NKAIN2: variants seen among roughly 807,000 people sequenced by gnomAD.
NKAIN2 encodes sodium/potassium-transporting ATPase subunit beta-1-interacting protein 2.
A neutral mutation model predicts 32.6 loss-of-function variants in NKAIN2; 14 were observed. The ratio of observed to expected loss-of-function variants is 0.43; its 90% CI spans 0.28 to 0.67. The LOEUF (loss-of-function observed/expected upper bound fraction) is 0.67, where lower values mean the gene tolerates loss of function less well. Ranked by LOEUF, NKAIN2 falls within the 30% of genes least tolerant of loss-of-function variation. The pLI is 0.17. For missense variants in NKAIN2, 198 were observed against 258.3 expected, an observed-to-expected ratio of 0.77 and a Z score of 1.60; for synonymous variants, 80 against 87.2, an observed-to-expected ratio of 0.92 and a Z score of 0.46.
intron 3 of NKAIN2, among the ~76,000 whole-genome samples, chr6:124,549,484 T>TA (rs1476006756): frequency 6.6e-6 from 1 of 152,190 alleles, no homozygotes; most frequent in Non-Finnish European, 1.5e-5. Flanking sequence ...ATCTTCCCCT[T>TA]ATGTTAATAT....
At chr6:124,443,936 G>T (rs1775791854) in intron 3 of NKAIN2, among the ~76,000 whole-genome samples, 1 of 151,786 alleles carries the variant, frequency 6.6e-6, no homozygotes. Context: ...CTGACTATAT[G>T]AATTCCCACT....
intron 1 of NKAIN2, among the ~76,000 whole-genome samples, chr6:124,045,418 G>T (rs911565723): frequency 6.6e-6 from 1 of 151,914 alleles, no homozygotes; most frequent in Non-Finnish European, 1.5e-5. Flanking sequence ...TATATAGTGC[G>T]ATAGAAAGAG....
chr6:124,243,605 C>T (rs1793227183), intron 1 of NKAIN2, among the ~76,000 whole-genome samples: 1 of 151,972 alleles, frequency 6.6e-6, no homozygotes, highest in African/African-American at 2.4e-5. Context: ...TTCAAATCAC[C>T]AAGATTGTTG....
intron 4 of NKAIN2, among the ~76,000 whole-genome samples, chr6:124,682,806 T>C (rs1303939065): frequency 1.3e-5 from 2 of 152,136 alleles, no homozygotes; most frequent in East Asian, 3.9e-4. Flanking sequence ...TTTTATTTTG[T>C]GAGTAGAGAT....
chr6:123,938,519 AT>A (rs1288723373), intron 1 of NKAIN2, among the ~76,000 whole-genome samples: 3 of 134,046 alleles, frequency 2.2e-5, no homozygotes, highest in African/African-American at 8.1e-5. Flanking sequence ...TATTATATAT[AT>A]TTATATATTA....
At chr6:123,965,751 A>AT (rs1778043136) in intron 1 of NKAIN2, among the ~76,000 whole-genome samples, 1 of 152,140 alleles carries the variant, frequency 6.6e-6, no homozygotes, top group Non-Finnish European at 1.5e-5. Context: ...TCCACGATTA[A>AT]TTTCCTCTTT....
chr6:124,523,362 T>G (rs1779194795), intron 3 of NKAIN2, among the ~76,000 whole-genome samples: 1 of 151,968 alleles, frequency 6.6e-6, no homozygotes, highest in Admixed American at 6.6e-5. Context: ...TTCTCATTCC[T>G]TAGGCCATGA....
intron 3 of NKAIN2, among the ~76,000 whole-genome samples, chr6:124,383,946 A>T (rs1772767493): frequency 6.6e-6 from 1 of 152,208 alleles, no homozygotes; most frequent in African/African-American, 2.4e-5. Context: ...TAGGGAAATA[A>T]GAATATTAAT....
At chr6:123,931,623 A>G (rs1441224709) in intron 1 of NKAIN2, among the ~76,000 whole-genome samples, 1 of 152,030 alleles carries the variant, frequency 6.6e-6, no homozygotes, top group Non-Finnish European at 1.5e-5. Context: ...TTCATGCTTC[A>G]TCATTTTTTT....
chr6:124,522,206 A>C (rs1032214324), intron 3 of NKAIN2, among the ~76,000 whole-genome samples: 1 of 152,120 alleles, frequency 6.6e-6, no homozygotes, highest in African/African-American at 2.4e-5. Flanking sequence ...TATATCTGTA[A>C]AGTTATATTC....
chr6:123,805,010 TGAG>T (rs1773156594), intron 1 of NKAIN2, among the ~76,000 whole-genome samples: 1 of 152,202 alleles, frequency 6.6e-6, no homozygotes, highest in African/African-American at 2.4e-5. Flanking sequence ...ATGTACTTTT[TGAG>T]GAATGTTGTA....
intron 4 of NKAIN2, among the ~76,000 whole-genome samples, chr6:124,767,124 G>A (rs1360057933): frequency 6.6e-6 from 1 of 152,004 alleles, no homozygotes; most frequent in Non-Finnish European, 1.5e-5. Flanking sequence ...TCAAACTCCT[G>A]ACCTCGTGAT....
At chr6:124,391,178 G>T (rs1278534908) in intron 3 of NKAIN2, 1 of 152,072 alleles carries the variant, frequency 6.6e-6, no homozygotes, top group East Asian at 1.9e-4. Flanking sequence ...ATCCAAACAT[G>T]AATGCTTACT....
chr6:124,161,700 A>T (rs761904171), intron 1 of NKAIN2, among the ~76,000 whole-genome samples: 7 of 152,118 alleles, frequency 4.6e-5, no homozygotes, highest in Non-Finnish European at 8.8e-5. Context: ...TTTTAAAATT[A>T]TTTGATACCA....
At chr6:123,952,378 G>A (rs1777368949) in intron 1 of NKAIN2, among the ~76,000 whole-genome samples, 1 of 152,050 alleles carries the variant, frequency 6.6e-6, no homozygotes, top group Non-Finnish European at 1.5e-5. Flanking sequence ...CACAGAGAAA[G>A]TTGCATTGTA....
chr6:124,566,757 C>T (rs1780928940), intron 3 of NKAIN2, among the ~76,000 whole-genome samples: 1 of 152,020 alleles, frequency 6.6e-6, no homozygotes, highest in Non-Finnish European at 1.5e-5. Flanking sequence ...AGATGAGCTC[C>T]TAGGGTGACA....
intron 1 of NKAIN2, among the ~76,000 whole-genome samples, chr6:123,813,704 C>G (rs9490943): frequency 0.032 from 4,927 of 152,094 alleles, 293 homozygotes; most frequent in African/African-American, 0.11. Context: ...CTCAGCTACT[C>G]TGGAGGCTGA....
chr6:124,298,126 A>G (rs1796138298), intron 2 of NKAIN2, among the ~76,000 whole-genome samples: 1 of 152,184 alleles, frequency 6.6e-6, no homozygotes, highest in Non-Finnish European at 1.5e-5. Context: ...GAAACTCAAT[A>G]GCAATAACAC....
intron 1 of NKAIN2, among the ~76,000 whole-genome samples, chr6:123,995,476 C>T (rs1291242887): frequency 6.6e-6 from 1 of 152,094 alleles, no homozygotes; most frequent in East Asian, 1.9e-4. Context: ...TATAAGGCAC[C>T]AACCTGGTTA....
Sources: gnomAD v4.1 joint callset for allele counts (sites outside exome capture counted in the v4.1 genomes callset) on GRCh38, gnomAD v4.1.1 for gene constraint, MANE v1.5 for transcripts, NCBI Gene and HGNC (gene_info 2026-07-23, HGNC 2026-07-21) for gene names.